Variants in NTM observed in about 807,000 individuals in gnomAD.
NTM encodes IgLON family member 2.
Under a neutral mutation model 42.1 loss-of-function variants are expected in NTM, and 13 were observed. That is an observed-to-expected ratio of 0.31 (90% CI 0.20 to 0.49). The LOEUF is 0.49. Among genes scored for constraint, NTM ranks in the 20% least tolerant of loss-of-function variants. NTM has a pLI of 0.99. For synonymous variants in NTM, 187 were observed against 179.2 expected (o/e 1.04, Z -0.35); for missense variants, 373 against 452.8 (o/e 0.82, Z 1.60).
intron 2 of NTM, among the ~76,000 whole-genome samples, chr11:132,043,848 T>C (rs141479605): frequency 0.05 from 7,686 of 152,228 alleles, 263 homozygotes; most frequent in Non-Finnish European, 0.075. Flanking sequence ...ATATATCATC[T>C]GGAAAATGTC....
chr11:132,047,563 T>C (rs537397872), intron 2 of NTM, among the ~76,000 whole-genome samples: 79 of 152,344 alleles, frequency 5.2e-4, no homozygotes, highest in Non-Finnish European at 1.1e-3. Flanking sequence ...AAAACTGGGA[T>C]TCCTGGTCTG....
At chr11:132,141,832 G>T (rs2137258714) in intron 2 of NTM, among the ~76,000 whole-genome samples, 1 of 152,298 alleles carries the variant, frequency 6.6e-6, no homozygotes, top group South Asian at 2.1e-4. Flanking sequence ...TGCTGAGTAT[G>T]CTAGGCCATG....
intron 1 of NTM, among the ~76,000 whole-genome samples, chr11:131,573,221 C>T (rs1334312838): frequency 6.6e-6 from 1 of 152,138 alleles, no homozygotes; most frequent in Non-Finnish European, 1.5e-5. Flanking sequence ...AAAATTAGAC[C>T]CAGAAGCCTG....
chr11:132,087,734 G>GA lies in NTM; in HGVS notation c.168-58538dup, dbSNP rs371573987. 5.7e-3 allele frequency among the ~76,000 whole-genome samples: 845 copies of GA among 148,336 alleles called. 6 individuals carry two copies. Among genetic ancestry groups the GA allele is most frequent in the African/African-American group, 0.02 (796 of 40,502 alleles). ...AACTCCCGACAGGGTGGAGCAAAGG[G>GA]AAAAAAAAAAGCTTAAGTGCTGGGC... On this transcript the variant is annotated intron_variant, in intron 2 of 8. Transcript: ENST00000683400.
Position 131,680,157 on chromosome 11 carries a change from C to T in NTM, c.83-231407C>T, listed in dbSNP as rs149447414. ...ACCCCCCATCCTTCTCTGGTATTTA[C>T]GTCTCTGTGTTGGCCGTCACAGCAC... On this transcript the variant is annotated intron_variant, in intron 1 of 8. Transcript: ENST00000683400. Among the ~76,000 whole-genome samples the T allele has an allele frequency of 2.2e-3, 337 of 152,208 alleles. 2 individuals are homozygous for T. Among genetic ancestry groups the T allele is most frequent in the African/African-American group, 7.3e-3 (303 of 41,526 alleles).
intron 1 of NTM, among the ~76,000 whole-genome samples, chr11:131,808,100 T>A (rs1011638974): frequency 1.1e-4 from 16 of 152,210 alleles, no homozygotes; most frequent in African/African-American, 3.9e-4. Flanking sequence ...ACTCACTGGG[T>A]CACCAGAGCT....
At position 132,119,369 on chromosome 11, in the gene NTM, G is replaced by A. The variant is rs186879348; in HGVS notation, c.168-26913G>A. ...GTACTCCTGGAATGGGGACATGTGC[G>A]CTTGACATCATGACTGACCCTTCTG... On this transcript the variant is annotated intron_variant, in intron 2 of 8. Transcript: ENST00000683400. 8.4e-4 allele frequency among the ~76,000 whole-genome samples: 125 copies of A among 148,830 alleles called. 4 individuals carry two copies. The highest frequency in any genetic ancestry group is 8.2e-3 in the Admixed American group (123 of 14,966).
At chr11:132,099,821 A>C (rs1311673459) in intron 2 of NTM, among the ~76,000 whole-genome samples, 2 of 152,192 alleles carry the variant, frequency 1.3e-5, no homozygotes, top group African/African-American at 4.8e-5. Context: ...CATTGTAACA[A>C]CTGGTGGTTT....
chr11:131,606,014 A>G (rs1016773978), intron 1 of NTM: 6 of 401,076 alleles, frequency 1.5e-5, no homozygotes, highest in African/African-American at 2.2e-5. Context: ...GTGAGGGACC[A>G]AGTTTGTCCA....
chr11:131,971,401 C>A (rs1415357947), intron 2 of NTM, among the ~76,000 whole-genome samples: 2 of 152,048 alleles, frequency 1.3e-5, no homozygotes, highest in East Asian at 1.9e-4. Context: ...TTTGATTGAA[C>A]CACCTATCTT....
At chr11:132,087,279 C>A (rs7937505) in intron 2 of NTM, among the ~76,000 whole-genome samples, 43,288 of 151,986 alleles carry the variant, frequency 0.28, 6,486 homozygotes, top group African/African-American at 0.37. Flanking sequence ...TTTCCCTCTG[C>A]TGTCAGTAGC....
intron 4 of NTM, among the ~76,000 whole-genome samples, chr11:132,257,012 C>T (rs2139469161): frequency 6.6e-6 from 1 of 152,332 alleles, no homozygotes; most frequent in East Asian, 1.9e-4. Context: ...ACTGTCAGGG[C>T]CCTGCCTCCC....
At chr11:131,951,677 C>T (rs1336567935) in intron 2 of NTM, among the ~76,000 whole-genome samples, 2 of 151,986 alleles carry the variant, frequency 1.3e-5, no homozygotes, top group African/African-American at 2.4e-5. Context: ...CAAAAATTAG[C>T]CAGGTGTGGT....
intron 3 of NTM, among the ~76,000 whole-genome samples, chr11:132,164,091 A>G (rs891214080): frequency 3.9e-5 from 6 of 152,200 alleles, no homozygotes; most frequent in Non-Finnish European, 7.3e-5. Flanking sequence ...TTGCCCCTTG[A>G]TGAAAGACAA....
At chr11:131,595,347 G>C (rs1008524430) in intron 1 of NTM, among the ~76,000 whole-genome samples, 1 of 152,186 alleles carries the variant, frequency 6.6e-6, no homozygotes, top group African/African-American at 2.4e-5. Flanking sequence ...GTACATTCAA[G>C]AGGGCTGAGC....
chr11:131,661,115 TGGAGATTCCTTTCCTCAGGAC>T, intron 1 of NTM: 1 of 1,128,664 alleles, frequency 8.9e-7, no homozygotes, highest in South Asian at 1.3e-5. Context: ...CTAGATTCGG[TGGAGATTCCTTTCCTCAGGAC>T]GGAAGGTCCA....
chr11:132,287,017 C>A (rs2094267165), intron 4 of NTM, among the ~76,000 whole-genome samples: 1 of 152,206 alleles, frequency 6.6e-6, no homozygotes, highest in African/African-American at 2.4e-5. Flanking sequence ...AGGGCTTTCT[C>A]CTTTAAATTC....
chr11:131,877,683 G>A (rs773974977), intron 1 of NTM: 3 of 152,332 alleles, frequency 2.0e-5, no homozygotes, highest in East Asian at 3.9e-4. Flanking sequence ...ACCATAAAAT[G>A]TCTGATTTAT....
chr11:131,470,284 G>C (rs1382690972), intron 1 of NTM, among the ~76,000 whole-genome samples: 2 of 152,180 alleles, frequency 1.3e-5, no homozygotes, highest in African/African-American at 4.8e-5. Flanking sequence ...AAAGGCAAAG[G>C]GATTTGAGCC....
Sources: gnomAD v4.1 joint callset for allele counts (sites outside exome capture counted in the v4.1 genomes callset) on GRCh38, gnomAD v4.1.1 for gene constraint, MANE v1.5 for transcripts, NCBI Gene and HGNC (gene_info 2026-07-23, HGNC 2026-07-21) for gene names.